Variants in CTNNA2 observed in about 807,000 individuals in gnomAD.
The protein encoded by CTNNA2 is catenin alpha 2, also known as catenin alpha-2.
A neutral mutation model predicts 101.0 loss-of-function variants in CTNNA2; 42 were observed. That is an observed-to-expected ratio of 0.42 (90% CI 0.32 to 0.54). CTNNA2 has a LOEUF of 0.54. CTNNA2 is among the 20% of genes least tolerant of loss of function. The pLI is 0.14. For synonymous variants in CTNNA2, 450 were observed against 456.4 expected (o/e 0.99, Z 0.18); for missense variants, 871 against 1,223.1 (o/e 0.71, Z 4.29).
intron 2 of CTNNA2, among the ~76,000 whole-genome samples, chr2:79,231,513 G>C (rs932135895): frequency 6.6e-6 from 1 of 152,168 alleles, no homozygotes; most frequent in Non-Finnish European, 1.5e-5. Flanking sequence ...TTTATCAGCA[G>C]TGTGAAAACA....
chr2:79,354,848 T>A (rs1677473097), intron 3 of CTNNA2, among the ~76,000 whole-genome samples: 1 of 152,302 alleles, frequency 6.6e-6, no homozygotes, highest in South Asian at 2.1e-4. Context: ...GCTTCCTTCC[T>A]CTTCAATGTC....
At chr2:80,439,655 C>T (rs1419506579) in intron 9 of CTNNA2, among the ~76,000 whole-genome samples, 1 of 152,190 alleles carries the variant, frequency 6.6e-6, no homozygotes, top group African/African-American at 2.4e-5. Flanking sequence ...CCTGCCTTGG[C>T]CTCCCGAAAT....
chr2:79,564,069 C>G (rs539074646), intron 1 of CTNNA2, among the ~76,000 whole-genome samples: 2 of 152,214 alleles, frequency 1.3e-5, no homozygotes, highest in East Asian at 3.9e-4. Flanking sequence ...TTTGGCTGTG[C>G]CACACGTGGG....
chr2:80,147,665 C>T (rs1221145489), intron 7 of CTNNA2, among the ~76,000 whole-genome samples: 4 of 152,128 alleles, frequency 2.6e-5, no homozygotes, highest in Admixed American at 2.6e-4. Flanking sequence ...ATTTAATGGT[C>T]CATCTCAGCC....
intron 3 of CTNNA2, among the ~76,000 whole-genome samples, chr2:79,788,708 T>C (rs1454662325): frequency 6.6e-6 from 1 of 152,192 alleles, no homozygotes; most frequent in African/African-American, 2.4e-5. Flanking sequence ...CACAATTTAC[T>C]GACCTTAGTG....
upstream of CTNNA2, among the ~76,000 whole-genome samples, chr2:79,509,798 A>T (rs1023722307): frequency 1.3e-5 from 2 of 152,178 alleles, no homozygotes. Flanking sequence ...TGTAACAAAC[A>T]TGCTACTGTG....
chr2:79,198,454 T>C (rs1364527802), intron 2 of CTNNA2, among the ~76,000 whole-genome samples: 2 of 152,170 alleles, frequency 1.3e-5, no homozygotes, highest in Admixed American at 6.5e-5. Flanking sequence ...ATTTCATAAA[T>C]GAAAATCACA....
At chr2:80,146,500 T>G (rs1327491028) in intron 7 of CTNNA2, among the ~76,000 whole-genome samples, 2 of 151,988 alleles carry the variant, frequency 1.3e-5, no homozygotes, top group Non-Finnish European at 2.9e-5. Flanking sequence ...CTCCATCCAT[T>G]TTTTTCTCTA....
intron 3 of CTNNA2, among the ~76,000 whole-genome samples, chr2:79,841,880 G>A (rs111529249): frequency 1.3e-5 from 2 of 152,238 alleles, no homozygotes; most frequent in African/African-American, 4.8e-5. Context: ...AAAAGGATTT[G>A]GGACTGATTA....
chr2:79,681,218 T>C (rs1269654977), intron 2 of CTNNA2, among the ~76,000 whole-genome samples: 25 of 152,286 alleles, frequency 1.6e-4, no homozygotes, highest in East Asian at 5.8e-4. Context: ...ACTTTTCTAC[T>C]AATTTTTTTA....
chr2:80,408,422 C>A (rs145194716), intron 8 of CTNNA2, among the ~76,000 whole-genome samples: 1 of 152,168 alleles, frequency 6.6e-6, no homozygotes, highest in African/African-American at 2.4e-5. Context: ...TGCTCTTAGC[C>A]TGCCATCAAA....
At chr2:79,378,569 A>G (rs1380370480) in intron 4 of CTNNA2, among the ~76,000 whole-genome samples, 1 of 152,080 alleles carries the variant, frequency 6.6e-6, no homozygotes, top group Non-Finnish European at 1.5e-5. Flanking sequence ...TTCAAATGTC[A>G]TTTGTCGAGG....
chr2:80,555,285 A>G (rs1692932132), intron 11 of CTNNA2, among the ~76,000 whole-genome samples: 1 of 152,222 alleles, frequency 6.6e-6, no homozygotes. Flanking sequence ...TGGCTGCTAC[A>G]ACTTCTAAAA....
intron 3 of CTNNA2, among the ~76,000 whole-genome samples, chr2:79,342,061 A>G (rs1003029328): frequency 5.9e-5 from 9 of 152,174 alleles, no homozygotes; most frequent in African/African-American, 1.7e-4. Flanking sequence ...TTAGTCATAA[A>G]CTGGGGCAGA....
At chr2:80,370,122 T>A (rs1177668234) in intron 7 of CTNNA2, among the ~76,000 whole-genome samples, 1 of 152,124 alleles carries the variant, frequency 6.6e-6, no homozygotes, top group African/African-American at 2.4e-5. Context: ...GGTTGAGGCA[T>A]TTATATTGTA....
intron 2 of CTNNA2, among the ~76,000 whole-genome samples, chr2:79,666,512 T>C (rs1011698488): frequency 6.6e-6 from 1 of 152,212 alleles, no homozygotes; most frequent in African/African-American, 2.4e-5. Context: ...CTTTTAGATA[T>C]CCATATACCA....
At position 80,303,929 on chromosome 2, in the gene CTNNA2, G is replaced by C. The variant is rs890623666; in HGVS notation, c.1057-89282G>C. ...GGGGAAGCGGGGGAGGGGGAGAAAA[G>C]GGCAAAAAATCAAATAAATACATAG... On this transcript the variant is annotated intron_variant, in intron 7 of 18. Transcript: ENST00000402739. This position sits in a 1 kb window ranked among gnomAD's most constrained non-coding sequence, Gnocchi z 7.7. 7.6e-7 allele frequency: 1 copy of C among 1,321,318 alleles called. No homozygotes were observed. Among genetic ancestry groups the C allele is most frequent in the African/African-American group, 1.5e-5 (1 of 67,158 alleles). The allele number at this position is 1,321,318 out of a possible 1,614,324, so 81.8% of individuals were successfully genotyped here.
At chr2:79,193,487 A>T (rs1673902492) in intron 1 of CTNNA2, among the ~76,000 whole-genome samples, 1 of 152,214 alleles carries the variant, frequency 6.6e-6, no homozygotes, top group Non-Finnish European at 1.5e-5. Context: ...TACCCAAAGT[A>T]TGTAGTAGCC....
intron 6 of CTNNA2, among the ~76,000 whole-genome samples, chr2:79,895,691 A>ATTTTTTTTTTTTTTTTTTTTTTTTTTTT (rs757762487): frequency 9.3e-6 from 1 of 107,764 alleles, no homozygotes. Flanking sequence ...GAAATTTCTT[A>ATTTTTTTTTTTTTTTTTTTTTTTTTTTT]ATTTTTTTTT....
Sources: allele counts gnomAD v4.1 joint callset (sites outside exome capture counted in the v4.1 genomes callset), GRCh38; gene constraint gnomAD v4.1.1; non-coding constraint Gnocchi (gnomAD v3.1); transcripts MANE v1.5; gene names NCBI Gene and HGNC (gene_info 2026-07-23, HGNC 2026-07-21).